The following EXOC6B variants were observed in gnomAD, a reference collection of about 807,000 sequenced individuals.
The protein encoded by EXOC6B is SEC15 homolog B.
EXOC6B carries 54 observed loss-of-function variants against 113.5 expected under a neutral mutation model. The ratio of observed to expected loss-of-function variants is 0.48; its 90% CI spans 0.38 to 0.60. The LOEUF (loss-of-function observed/expected upper bound fraction) is 0.60, where lower values mean the gene tolerates loss of function less well. Ranked by LOEUF, EXOC6B falls within the 20% of genes least tolerant of loss-of-function variation. EXOC6B has a pLI of 0.00. For synonymous variants in EXOC6B, 357 were observed against 339.0 expected, an observed-to-expected ratio of 1.05 and a Z score of -0.58; for missense variants, 797 against 977.5, an observed-to-expected ratio of 0.82 and a Z score of 2.46.
At chr2:72,507,341 A>G (rs1475476720) in intron 11 of EXOC6B, among the ~76,000 whole-genome samples, 1 of 152,144 alleles carries the variant, frequency 6.6e-6, no homozygotes, top group South Asian at 2.1e-4. Flanking sequence ...AAATGGTTCA[A>G]TGAGTAAATC....
chr2:72,696,711 C>A (rs75582597), intron 6 of EXOC6B, among the ~76,000 whole-genome samples: 5,675 of 152,192 alleles, frequency 0.037, 333 homozygotes, highest in African/African-American at 0.13. Context: ...ATAACCTATC[C>A]AACAACTAAC....
chr2:72,351,176 G>C (rs1016627832), intron 19 of EXOC6B, among the ~76,000 whole-genome samples: 2 of 152,176 alleles, frequency 1.3e-5, no homozygotes, highest in African/African-American at 4.8e-5. Context: ...ACATCATTCA[G>C]AATGAAAGGC....
At chr2:72,251,658 A>G (rs1271708707) in intron 20 of EXOC6B, among the ~76,000 whole-genome samples, 1 of 152,148 alleles carries the variant, frequency 6.6e-6, no homozygotes, top group Non-Finnish European at 1.5e-5. Flanking sequence ...GCAAATATAC[A>G]TTTCCCCATA....
intron 18 of EXOC6B, among the ~76,000 whole-genome samples, chr2:72,428,509 G>T (rs1416485140): frequency 6.6e-6 from 1 of 152,198 alleles, no homozygotes; most frequent in Non-Finnish European, 1.5e-5. Flanking sequence ...CAGCAGACAA[G>T]TCTGACTGCA....
At chr2:72,772,470 C>A (rs1431603139) in intron 1 of EXOC6B, among the ~76,000 whole-genome samples, 1 of 152,140 alleles carries the variant, frequency 6.6e-6, no homozygotes, top group Non-Finnish European at 1.5e-5. Context: ...AGGCTCACCT[C>A]CATGGAAAGA....
intron 18 of EXOC6B, among the ~76,000 whole-genome samples, chr2:72,392,608 T>A (rs1692462714): frequency 3.3e-5 from 5 of 152,196 alleles, no homozygotes. Context: ...TTTAGGTCAG[T>A]TTTCTCCACT....
intron 20 of EXOC6B, among the ~76,000 whole-genome samples, chr2:72,196,242 A>C (rs1679160394): frequency 1.3e-5 from 2 of 152,250 alleles, no homozygotes; most frequent in Admixed American, 6.5e-5. Flanking sequence ...GTAGAAAATT[A>C]CATCTTGCCT....
chr2:72,354,849 C>A (rs576921891), intron 19 of EXOC6B, among the ~76,000 whole-genome samples: 30 of 152,300 alleles, frequency 2.0e-4, no homozygotes, highest in African/African-American at 7.0e-4. Context: ...TAAGAGCAAA[C>A]AAAGCAGAGC....
chr2:72,242,889 C>T lies in EXOC6B; in HGVS notation c.2197-58702G>A, dbSNP rs534236325. Among the ~76,000 whole-genome samples the T allele has an allele frequency of 1.7e-3, 260 of 152,224 alleles. 2 individuals carry two copies. Among genetic ancestry groups the T allele is most frequent in the African/African-American group, 5.9e-3 (245 of 41,526 alleles). On this transcript the variant is annotated intron_variant, in intron 20 of 21. Transcript: ENST00000272427. The stretch of plus-strand genomic sequence containing the variant: ...CTAGGACTATAGGTATGTGCTACCA[C>T]GCCTTGCTAATATTTAAATTTTTTT...
intron 1 of EXOC6B, among the ~76,000 whole-genome samples, chr2:72,799,516 G>A (rs1685172440): frequency 6.6e-6 from 1 of 151,954 alleles, no homozygotes; most frequent in Non-Finnish European, 1.5e-5. Flanking sequence ...GCTGCAGTGA[G>A]CTATGATGGC....
chr2:72,223,681 T>C (rs541646418), intron 20 of EXOC6B, among the ~76,000 whole-genome samples: 2 of 139,508 alleles, frequency 1.4e-5, no homozygotes, highest in African/African-American at 6.1e-5. Flanking sequence ...AGTGAAGGCC[T>C]GTTTTTTGTT....
At chr2:72,503,866 G>C (rs1001784316) in intron 11 of EXOC6B, among the ~76,000 whole-genome samples, 1 of 95,250 alleles carries the variant, frequency 1.0e-5, no homozygotes, top group African/African-American at 2.5e-5. Context: ...GGTGTGGTTC[G>C]TGTTCTGGAT....
chr2:72,712,914 C>A (rs1321384667), intron 6 of EXOC6B, among the ~76,000 whole-genome samples: 7 of 152,070 alleles, frequency 4.6e-5, no homozygotes, highest in African/African-American at 1.2e-4. Context: ...AAAGAGCTTC[C>A]TAGTGATAAA....
chr2:72,652,781 G>A (rs950441629), intron 6 of EXOC6B, among the ~76,000 whole-genome samples: 4 of 146,824 alleles, frequency 2.7e-5, no homozygotes, highest in Non-Finnish European at 4.5e-5. Flanking sequence ...TATAATATAC[G>A]TAATATAATT....
At chr2:72,742,611 T>C (rs368607517) in intron 1 of EXOC6B, among the ~76,000 whole-genome samples, 16 of 152,290 alleles carry the variant, frequency 1.1e-4, no homozygotes, top group African/African-American at 3.1e-4. Flanking sequence ...TTTTATATTC[T>C]CTCCTTCTTT....
At chr2:72,231,841 G>C (rs577894517) in intron 20 of EXOC6B, among the ~76,000 whole-genome samples, 4 of 152,118 alleles carry the variant, frequency 2.6e-5, no homozygotes, top group Admixed American at 1.3e-4. Flanking sequence ...ATGTAAATTA[G>C]TTCAGCCATT....
chr2:72,499,533 AT>A (rs34288011), intron 12 of EXOC6B, among the ~76,000 whole-genome samples: 3,284 of 138,218 alleles, frequency 0.024, 117 homozygotes, highest in African/African-American at 0.074. Context: ...ACCCAGTCAG[AT>A]TTTTTTTTTT....
At chr2:72,434,945 T>C (rs2105310995) in intron 18 of EXOC6B, among the ~76,000 whole-genome samples, 1 of 152,346 alleles carries the variant, frequency 6.6e-6, no homozygotes, top group South Asian at 2.1e-4. Context: ...TGTCTTCTGC[T>C]AGCTTTTGAA....
intron 6 of EXOC6B, among the ~76,000 whole-genome samples, chr2:72,647,490 G>T (rs1673820386): frequency 6.6e-6 from 1 of 152,114 alleles, no homozygotes; most frequent in African/African-American, 2.4e-5. Flanking sequence ...TAAGCAAAAA[G>T]AACAAAGCTG....
Sources: gnomAD v4.1 joint callset for allele counts (sites outside exome capture counted in the v4.1 genomes callset) on GRCh38, gnomAD v4.1.1 for gene constraint, MANE v1.5 for transcripts, NCBI Gene and HGNC (gene_info 2026-07-23, HGNC 2026-07-21) for gene names.